The following JAKMIP2 variants were observed in gnomAD, a reference collection of about 807,000 sequenced individuals.
JAKMIP2 encodes the protein janus kinase and microtubule-interacting protein 2.
JAKMIP2 carries 25 observed loss-of-function variants against 115.0 expected under a neutral mutation model. The observed-to-expected ratio is 0.22, with a 90% CI of 0.16 to 0.30. JAKMIP2 has a LOEUF of 0.30. Ranked by LOEUF, JAKMIP2 falls within the 10% of genes least tolerant of loss-of-function variation. The pLI is 1.00. For synonymous variants in JAKMIP2, 334 were observed against 343.6 expected (o/e 0.97, Z 0.31); for missense variants, 642 against 957.6 (o/e 0.67, Z 4.35).
intron 1 of JAKMIP2, among the ~76,000 whole-genome samples, chr5:147,684,105 C>G (rs1258443103): frequency 6.6e-6 from 1 of 152,054 alleles, no homozygotes; most frequent in African/African-American, 2.4e-5. Flanking sequence ...ATCTTAAAAG[C>G]AAGACCGTTA....
intron 3 of JAKMIP2, among the ~76,000 whole-genome samples, chr5:147,653,758 T>A (rs1011770326): frequency 6.6e-6 from 1 of 152,242 alleles, no homozygotes; most frequent in Non-Finnish European, 1.5e-5. Flanking sequence ...CAATTACTTT[T>A]GGCGTTTTCA....
At chr5:147,708,304 C>T (rs1156917540) in intron 1 of JAKMIP2, among the ~76,000 whole-genome samples, 1 of 152,064 alleles carries the variant, frequency 6.6e-6, no homozygotes, top group Non-Finnish European at 1.5e-5. Context: ...TGAAGATAAC[C>T]CATATCACCT....
At chr5:147,752,998 G>A (rs1490857938) in intron 1 of JAKMIP2, among the ~76,000 whole-genome samples, 2 of 152,070 alleles carry the variant, frequency 1.3e-5, no homozygotes, top group Admixed American at 1.3e-4. Flanking sequence ...TCCAGCACAA[G>A]AAATTGCAAA....
At chr5:147,712,190 T>C (rs2126914449) in intron 1 of JAKMIP2, among the ~76,000 whole-genome samples, 1 of 152,302 alleles carries the variant, frequency 6.6e-6, no homozygotes, top group South Asian at 2.1e-4. Context: ...CCTTCTTGTC[T>C]ACAACCCACA....
intron 3 of JAKMIP2, among the ~76,000 whole-genome samples, chr5:147,658,237 G>GTTTGCTAGTT (rs1251523492): frequency 1.3e-5 from 2 of 152,144 alleles, no homozygotes; most frequent in Non-Finnish European, 2.9e-5. Flanking sequence ...GTTTGTTGTT[G>GTTTGCTAGTT]TTTGCTAGTT....
At chr5:147,616,619 T>A (rs1046934845) in intron 19 of JAKMIP2, among the ~76,000 whole-genome samples, 1 of 152,208 alleles carries the variant, frequency 6.6e-6, no homozygotes, top group African/African-American at 2.4e-5. Flanking sequence ...AGTACATTTT[T>A]ATCCCCTGCT....
At chr5:147,778,694 A>G (rs1419432482) in intron 1 of JAKMIP2, among the ~76,000 whole-genome samples, 3 of 152,082 alleles carry the variant, frequency 2.0e-5, no homozygotes, top group Non-Finnish European at 4.4e-5. Flanking sequence ...ATAAAATGAA[A>G]AAGAATGGAA....
intron 1 of JAKMIP2, among the ~76,000 whole-genome samples, chr5:147,716,665 G>A (rs1753014103): frequency 1.3e-5 from 2 of 149,224 alleles, no homozygotes; most frequent in African/African-American, 2.5e-5. Context: ...GTCTGTTCAT[G>A]TCCTTCGCCC....
chr5:147,665,417 C>G (rs1759244310), intron 2 of JAKMIP2, among the ~76,000 whole-genome samples: 1 of 152,086 alleles, frequency 6.6e-6, no homozygotes, highest in South Asian at 2.1e-4. Context: ...CATATAAGAC[C>G]TTGGGAAAGT....
At chr5:147,671,549 G>A in intron 2 of JAKMIP2, 129 bp downstream of exon 2, 1 of 616,356 alleles carries the variant, frequency 1.6e-6, no homozygotes, top group Non-Finnish European at 2.4e-6. Flanking sequence ...ATGTTTACAG[G>A]GGACGTTGCC....
At chr5:147,598,157 C>G (rs917407572) in intron 21 of JAKMIP2, among the ~76,000 whole-genome samples, 1 of 152,086 alleles carries the variant, frequency 6.6e-6, no homozygotes, top group Non-Finnish European at 1.5e-5. Flanking sequence ...CCCGCCACCA[C>G]GCCTGGCTAA....
At chr5:147,757,004 G>GT (rs1754766422) in intron 1 of JAKMIP2, among the ~76,000 whole-genome samples, 1 of 152,036 alleles carries the variant, frequency 6.6e-6, no homozygotes, top group African/African-American at 2.4e-5. Context: ...AAAGAAACTA[G>GT]TTTTTTTGGT....
intron 1 of JAKMIP2, among the ~76,000 whole-genome samples, chr5:147,765,441 C>G (rs1051451134): frequency 1.3e-5 from 2 of 152,076 alleles, no homozygotes; most frequent in East Asian, 3.9e-4. Flanking sequence ...CCCTGCTGGT[C>G]TTCACTTGGC....
intron 1 of JAKMIP2, among the ~76,000 whole-genome samples, chr5:147,675,778 A>G (rs1370625348): frequency 7.7e-6 from 1 of 129,080 alleles, no homozygotes; most frequent in Non-Finnish European, 1.6e-5. Context: ...GTGGAATCAT[A>G]TGACATTTTT....
At chr5:147,721,724 C>A (rs538375951) in intron 1 of JAKMIP2, among the ~76,000 whole-genome samples, 79 of 152,238 alleles carry the variant, frequency 5.2e-4, no homozygotes, top group African/African-American at 1.8e-3. Flanking sequence ...ACGGTGCGCG[C>A]ACCCACTGAC....
chr5:147,695,282 A>G (rs1359014308), intron 1 of JAKMIP2, among the ~76,000 whole-genome samples: 1 of 152,192 alleles, frequency 6.6e-6, no homozygotes, highest in Non-Finnish European at 1.5e-5. Flanking sequence ...GCTAAAAAAG[A>G]AAAGAAAATT....
At chr5:147,637,193 T>C (rs1757654471) in intron 10 of JAKMIP2, 145 bp from the exon 11 acceptor site, 3 of 642,978 alleles carry the variant, frequency 4.7e-6, no homozygotes, top group Admixed American at 5.6e-5. Context: ...TAAATTCTTG[T>C]TTAAAACTCC....
At chr5:147,753,441 A>G (rs567398944) in intron 1 of JAKMIP2, among the ~76,000 whole-genome samples, 1 of 152,318 alleles carries the variant, frequency 6.6e-6, no homozygotes, top group South Asian at 2.1e-4. Context: ...GAAGGGGACC[A>G]TGTACTGAAT....
intron 12 of JAKMIP2, among the ~76,000 whole-genome samples, chr5:147,634,133 T>C (rs1315995988): frequency 6.6e-6 from 1 of 152,200 alleles, no homozygotes; most frequent in Admixed American, 6.5e-5. Context: ...CAGGGCCTTT[T>C]TACCATAGCA....
Sources: allele counts gnomAD v4.1 joint callset (sites outside exome capture counted in the v4.1 genomes callset), GRCh38; gene constraint gnomAD v4.1.1; transcripts MANE v1.5; gene names NCBI Gene and HGNC (gene_info 2026-07-23, HGNC 2026-07-21).